The following GLIS3 variants were observed in gnomAD, a reference collection of about 807,000 sequenced individuals.
GLIS3 encodes the protein zinc finger protein GLIS3.
A neutral mutation model predicts 78.6 loss-of-function variants in GLIS3; 53 were observed. That is an observed-to-expected ratio of 0.67 (90% confidence interval 0.54 to 0.85). The LOEUF (loss-of-function observed/expected upper bound fraction) is 0.85. Ranked by LOEUF, GLIS3 falls within the 40% of genes least tolerant of loss-of-function variation. GLIS3 has a pLI of 0.00. For synonymous variants in GLIS3, 684 were observed against 509.9 expected (o/e 1.34, Z -4.60); for missense variants, 1,703 against 1,231.1 (o/e 1.38, Z -5.74).
At chr9:4,407,876 G>A in the GLIS3 span, among the ~76,000 whole-genome samples, 1 of 151,574 alleles carries the variant, frequency 6.6e-6, no homozygotes, top group Non-Finnish European at 1.5e-5. Context: ...TTGACAAAGT[G>A]TTAATAATAG....
intron 6 of GLIS3, 139 bp downstream of exon 6, chr9:3,932,221 G>C (rs1825665527): frequency 1.5e-6 from 1 of 680,496 alleles, no homozygotes; most frequent in Non-Finnish European, 2.7e-6. Context: ...CTTCATGGGA[G>C]ACTTACCTCC....
At chr9:3,869,296 A>T (rs1048791367) in intron 8 of GLIS3, among the ~76,000 whole-genome samples, 19 of 138,250 alleles carry the variant, frequency 1.4e-4, no homozygotes, top group African/African-American at 4.4e-4. Context: ...TGTGTGTGTA[A>T]AAGCTGAGTG....
chr9:4,454,150 TAAAAAA>T, the GLIS3 span, among the ~76,000 whole-genome samples: 347 of 128,824 alleles, frequency 2.7e-3, 2 homozygotes, highest in African/African-American at 1.0e-2. Flanking sequence ...TATATGATGA[TAAAAAA>T]AAAAAAAAAA....
chr9:4,288,579 A>T (rs1828193726), intron 1 of GLIS3, among the ~76,000 whole-genome samples: 1 of 152,212 alleles, frequency 6.6e-6, no homozygotes. Flanking sequence ...ACTTAGCACG[A>T]TCATTAAAAA....
chr9:4,285,086 G>C (rs1178977353), intron 2 of GLIS3, among the ~76,000 whole-genome samples: 2 of 152,128 alleles, frequency 1.3e-5, no homozygotes, highest in Non-Finnish European at 2.9e-5. Flanking sequence ...CTGAATGACT[G>C]GCTATTCTGA....
rs151177703 is a variant in GLIS3, at chr9:4,188,638, G to A, written c.389-62697C>T. ...ATCCATCTGGTCCTGGACTCTTTTT[G>A]GTTGGTAAGCTACTGATTATTGCCT... is the stretch of plus-strand genomic sequence containing the variant. On this transcript the variant is annotated intron_variant, in intron 2 of 10. Coordinates refer to ENST00000381971, the MANE Select transcript of GLIS3 (RefSeq NM_001042413.2). Among the ~76,000 whole-genome samples, 1,450 of 152,196 alleles carry A rather than the reference G, an allele frequency of 9.5e-3. 23 individuals are homozygous for A. Among genetic ancestry groups the A allele is most frequent in the African/African-American group, 0.034 (1,396 of 41,530 alleles).
the GLIS3 span, among the ~76,000 whole-genome samples, chr9:4,364,287 G>C: frequency 6.6e-6 from 1 of 152,142 alleles, no homozygotes; most frequent in Non-Finnish European, 1.5e-5. Flanking sequence ...AATTAATTCT[G>C]AAAAACTGGA....
intron 7 of GLIS3, among the ~76,000 whole-genome samples, chr9:3,895,575 A>ATTT (rs1398221399): frequency 6.6e-6 from 1 of 152,158 alleles, no homozygotes; most frequent in African/African-American, 2.4e-5. Context: ...AAATAAAAGT[A>ATTT]TTTTCAGGCA....
intron 4 of GLIS3, among the ~76,000 whole-genome samples, chr9:3,978,131 T>C (rs1437582430): frequency 2.6e-5 from 4 of 152,108 alleles, no homozygotes; most frequent in African/African-American, 9.7e-5. Flanking sequence ...CCCATTTAAC[T>C]GTGGACACTC....
At chr9:4,064,529 G>A (rs1043759514) in intron 4 of GLIS3, among the ~76,000 whole-genome samples, 1 of 152,146 alleles carries the variant, frequency 6.6e-6, no homozygotes, top group Admixed American at 6.5e-5. Context: ...TTATAATAAT[G>A]GTTATGCAAG....
chr9:4,448,395 G>C, the GLIS3 span, among the ~76,000 whole-genome samples: 2 of 152,192 alleles, frequency 1.3e-5, no homozygotes, highest in Non-Finnish European at 2.9e-5. Context: ...GGCTGAAAGT[G>C]TCTCAACAGC....
At chr9:4,028,896 T>A (rs541237652) in intron 4 of GLIS3, among the ~76,000 whole-genome samples, 78 of 152,140 alleles carry the variant, frequency 5.1e-4, no homozygotes, top group Admixed American at 2.2e-3. Context: ...TTCCCTCCCT[T>A]CTCTTATTCC....
chr9:4,484,570 A>G, the GLIS3 span, among the ~76,000 whole-genome samples: 590 of 151,520 alleles, frequency 3.9e-3, 9 homozygotes, highest in South Asian at 0.049. Flanking sequence ...AGGCCCTGCC[A>G]CCACACCTGG....
chr9:3,908,156 A>G (rs1339064040), intron 6 of GLIS3, among the ~76,000 whole-genome samples: 1 of 152,170 alleles, frequency 6.6e-6, no homozygotes, highest in Non-Finnish European at 1.5e-5. Context: ...CCAAACCTCC[A>G]TCTTATGCCC....
chr9:4,298,126 G>T (rs541469636), intron 1 of GLIS3, among the ~76,000 whole-genome samples: 2 of 152,212 alleles, frequency 1.3e-5, no homozygotes, highest in South Asian at 2.1e-4. Context: ...GAGTGAGTCG[G>T]GGGCCGAAAG....
chr9:4,205,139 G>T (rs1032291234), intron 2 of GLIS3, among the ~76,000 whole-genome samples: 2 of 142,060 alleles, frequency 1.4e-5, no homozygotes, highest in Non-Finnish European at 3.0e-5. Context: ...TCACCCCACT[G>T]CACTCCAGTC....
intron 2 of GLIS3, among the ~76,000 whole-genome samples, chr9:4,204,684 G>T (rs572208065): frequency 1.8e-4 from 27 of 152,122 alleles, no homozygotes; most frequent in South Asian, 4.1e-4. Context: ...TTGGGAGGCC[G>T]AGGCGGGCAG....
intron 2 of GLIS3, among the ~76,000 whole-genome samples, chr9:4,127,149 A>G (rs1015524994): frequency 2.6e-5 from 4 of 152,208 alleles, no homozygotes; most frequent in African/African-American, 7.2e-5. Context: ...GGGGAGTCAC[A>G]GCATCATTAG....
chr9:4,137,610 T>G (rs526197), intron 2 of GLIS3, among the ~76,000 whole-genome samples: 115,228 of 152,064 alleles, frequency 0.76, 44,003 homozygotes, highest in African/African-American at 0.85. Context: ...GGAACCTACA[T>G]CTCTGAGCCA....
Sources: gnomAD v4.1 joint callset for allele counts (sites outside exome capture counted in the v4.1 genomes callset) on GRCh38, gnomAD v4.1.1 for gene constraint, MANE v1.5 for transcripts, NCBI Gene and HGNC (gene_info 2026-07-23, HGNC 2026-07-21) for gene names.